Variants in FILIP1L observed in about 807,000 individuals in gnomAD.
The protein encoded by FILIP1L is filamin A interacting protein 1 like.
A neutral mutation model predicts 96.6 loss-of-function variants in FILIP1L; 55 were observed. That is an observed-to-expected ratio of 0.57 (90% confidence interval 0.46 to 0.71). The LOEUF is 0.71. Ranked by LOEUF, FILIP1L falls within the 30% of genes least tolerant of loss-of-function variation. FILIP1L has a pLI of 0.00. For missense variants in FILIP1L, 1,304 were observed against 1,321.2 expected, an observed-to-expected ratio of 0.99 and a Z score of 0.20; for synonymous variants, 467 against 473.9, an observed-to-expected ratio of 0.99 and a Z score of 0.19.
chr3:99,877,473 A>G (rs759722536), intron 4 of FILIP1L, among the ~76,000 whole-genome samples: 1 of 152,166 alleles, frequency 6.6e-6, no homozygotes, highest in Non-Finnish European at 1.5e-5. Context: ...TTGGGAGTTC[A>G]CTTTATCATT....
At chr3:100,062,509 C>G (rs1220701741) in intron 1 of FILIP1L, among the ~76,000 whole-genome samples, 1 of 152,094 alleles carries the variant, frequency 6.6e-6, no homozygotes, top group African/African-American at 2.4e-5. Context: ...TGCAGCCAGT[C>G]CCTCATACGG....
intron 1 of FILIP1L, among the ~76,000 whole-genome samples, chr3:100,010,736 T>C (rs1357051702): frequency 6.7e-6 from 1 of 149,862 alleles, no homozygotes; most frequent in Non-Finnish European, 1.5e-5. Flanking sequence ...TGCCTCAGCC[T>C]CCTGAGTAGC....
At chr3:100,050,849 T>C (rs1348791072) in intron 1 of FILIP1L, among the ~76,000 whole-genome samples, 1 of 152,154 alleles carries the variant, frequency 6.6e-6, no homozygotes, top group Non-Finnish European at 1.5e-5. Context: ...TTTTGTTAAA[T>C]TAGCGGCTTT....
At position 99,891,312 on chromosome 3, in the gene FILIP1L, C is replaced by T. The variant is rs1576551497; in HGVS notation, c.605+32918G>A. Among the ~76,000 whole-genome samples the T allele has an allele frequency of 2.0e-5, 3 of 152,186 alleles. No individual in the cohort carries two copies. The South Asian group carries it at 6.2e-4, about 32-fold the overall frequency. On this transcript the variant is annotated intron_variant, in intron 4 of 5. Coordinates refer to ENST00000477258, the MANE Select transcript of FILIP1L (RefSeq NM_001387850.1). The stretch of plus-strand genomic sequence containing the variant: ...TTTGAAATCTCAGCTTTATGTGGGG[C>T]TGGGAGGACCCTGGGCTTTGTACTC...
At chr3:100,030,199 A>G (rs2065000427) in intron 1 of FILIP1L, among the ~76,000 whole-genome samples, 1 of 152,154 alleles carries the variant, frequency 6.6e-6, no homozygotes, top group South Asian at 2.1e-4. Context: ...TTCTAGTTTA[A>G]TATTATTTTC....
intron 1 of FILIP1L, among the ~76,000 whole-genome samples, chr3:100,062,357 C>T (rs555375986): frequency 2.6e-5 from 4 of 152,046 alleles, no homozygotes; most frequent in Admixed American, 6.5e-5. Flanking sequence ...GCGATCCACC[C>T]GTCTCGGCCT....
rs376027916 is a variant in FILIP1L at position 99,848,498 on chromosome 3, T to C, written c.3178A>G (p.Asn1060Asp). The change falls in exon 5 of 6, where the codon AAT (asparagine) becomes GAT (aspartate). Residue 1060 changes from asparagine (N) to aspartate (D), a missense_variant. Asn to Asp is a conservative substitution (Grantham distance 23). Transcript: ENST00000477258. ...NSSSVITTEDNKIHIHLGSPY... is the reference protein window; with the variant it reads ...NSSSVITTEDDKIHIHLGSPY... ...CTTCCTAAGTGAATGTGGATTTTAT[T>C]ATCCTCAGTAGTTATCACACTTGAG... is the stretch of plus-strand genomic sequence containing the variant. The C allele has an allele frequency of 9.9e-6, 16 of 1,614,070 alleles. No individual in the cohort carries two copies. Among genetic ancestry groups the C allele is most frequent in the Non-Finnish European group, 1.4e-5 (16 of 1,180,028 alleles).
At chr3:99,897,353 G>A (rs533783878) in intron 4 of FILIP1L, among the ~76,000 whole-genome samples, 1 of 151,588 alleles carries the variant, frequency 6.6e-6, no homozygotes, top group Admixed American at 6.6e-5. Flanking sequence ...TGGGGGACAA[G>A]AGCTAGACTT....
At position 100,037,734 on chromosome 3, in the gene FILIP1L, G is replaced by A. The variant is rs547956260; in HGVS notation, c.-11+76319C>T. Among the ~76,000 whole-genome samples, 37 of 152,222 alleles carry A rather than the reference G, an allele frequency of 2.4e-4. No individual in the cohort carries two copies. The South Asian group carries it at 6.8e-3, about 28-fold the overall frequency. On this transcript the variant is annotated intron_variant, in intron 1 of 5. Transcript: ENST00000477258. Reference sequence around the variant, plus strand: ...TCTCTATGCATCTTGCTTGCTTTGGGAAGCTCATTGCATAAAGCTGTGTAT... The same window carrying A: ...TCTCTATGCATCTTGCTTGCTTTGGAAAGCTCATTGCATAAAGCTGTGTAT...
At chr3:99,898,639 G>T in intron 4 of FILIP1L, 1 of 188,904 alleles carries the variant, frequency 5.3e-6, no homozygotes, top group South Asian at 7.8e-5. Context: ...GATGGCGGGT[G>T]CCTGTAATCC....
At chr3:99,834,522 G>A (rs553495234) in intron 5 of FILIP1L, among the ~76,000 whole-genome samples, 1 of 152,328 alleles carries the variant, frequency 6.6e-6, no homozygotes, top group Non-Finnish European at 1.5e-5. Context: ...CCCCCACTTT[G>A]TGTCAGACCA....
rs748182593 is a variant in FILIP1L, at chr3:100,054,471, CATTAT to C, written c.-11+59577_-11+59581del. Among the ~76,000 whole-genome samples the C allele has an allele frequency of 3.8e-4, 55 of 146,420 alleles. 1 individual carries two copies. The highest frequency in any genetic ancestry group is 1.3e-3 in the African/African-American group (51 of 39,816). On this transcript the variant is annotated intron_variant, in intron 1 of 5. Transcript: ENST00000477258. ...ATGAGCCAGTCTGACCTGCTTCGTT[CATTAT>C]ATTATGTTATGTTTTGTTATGTTAT... is the stretch of plus-strand genomic sequence containing the variant.
intron 1 of FILIP1L, among the ~76,000 whole-genome samples, chr3:100,091,735 A>G (rs972061856): frequency 5.9e-5 from 9 of 152,240 alleles, no homozygotes; most frequent in African/African-American, 2.2e-4. Flanking sequence ...ATTTTCTACC[A>G]GTATCATTAG....
At chr3:99,856,031 C>T (rs1317151037) in intron 4 of FILIP1L, among the ~76,000 whole-genome samples, 1 of 152,160 alleles carries the variant, frequency 6.6e-6, no homozygotes, top group African/African-American at 2.4e-5. Flanking sequence ...GCATTGTCCT[C>T]AGCTGAAGAA....
intron 4 of FILIP1L, among the ~76,000 whole-genome samples, chr3:99,905,586 G>A (rs1322341905): frequency 1.3e-5 from 2 of 152,112 alleles, no homozygotes; most frequent in East Asian, 1.9e-4. Flanking sequence ...CAAATATTAA[G>A]CATACAGATT....
At chr3:100,023,741 G>A (rs16841886) in intron 1 of FILIP1L, among the ~76,000 whole-genome samples, 2,072 of 152,048 alleles carry the variant, frequency 0.014, 59 homozygotes, top group African/African-American at 0.046. Flanking sequence ...GCCTGGTCTC[G>A]CCATTGCAAA....
intron 4 of FILIP1L, among the ~76,000 whole-genome samples, chr3:99,864,286 G>A (rs748871341): frequency 5.3e-5 from 8 of 152,058 alleles, no homozygotes; most frequent in Admixed American, 1.3e-4. Context: ...GGTGGCCCTG[G>A]AACTGGTACT....
chr3:99,977,018 G>C (rs754420116), intron 1 of FILIP1L, among the ~76,000 whole-genome samples: 25 of 152,190 alleles, frequency 1.6e-4, no homozygotes, highest in Non-Finnish European at 3.5e-4. Context: ...CGTTTAGCAA[G>C]TTCTTAGATA....
rs199705594 is a variant in FILIP1L, at chr3:99,850,263, C to A, written c.1413G>T (p.Glu471Asp). 1.6e-5 allele frequency: 26 copies of A among 1,613,714 alleles called. No homozygotes were observed. Among genetic ancestry groups the A allele is most frequent in the Non-Finnish European group, 2.1e-5 (25 of 1,179,974 alleles). Residue 471 changes from glutamate to aspartate, a missense_variant, in exon 5 of 6, where the codon GAG becomes GAT. Coordinates refer to ENST00000477258, the MANE Select transcript of FILIP1L (RefSeq NM_001387850.1). ...CTAGCCGACTTTCAATGGCTTCTAG[C>A]TCTTTGATCCTTACTTTTAAACTCT... ...ELESLKVRIK[E>D]LEAIESRLEK...
Sources: allele counts gnomAD v4.1 joint callset (sites outside exome capture counted in the v4.1 genomes callset), GRCh38; gene constraint gnomAD v4.1.1; transcripts MANE v1.5; gene names NCBI Gene and HGNC (gene_info 2026-07-23, HGNC 2026-07-21).